ERC1: variants seen among roughly 807,000 people sequenced by gnomAD.
ERC1 encodes the protein RAB6 interacting protein 2.
ERC1 carries 56 observed loss-of-function variants against 132.0 expected under a neutral mutation model. The ratio of observed to expected loss-of-function variants is 0.42; its 90% CI spans 0.34 to 0.53. The LOEUF is 0.53. Ranked by LOEUF, ERC1 falls within the 20% of genes least tolerant of loss-of-function variation. ERC1 has a pLI of 0.03. For synonymous variants in ERC1, 478 were observed against 476.1 expected, an observed-to-expected ratio of 1.00 and a Z score of -0.05; for missense variants, 1,202 against 1,349.9, an observed-to-expected ratio of 0.89 and a Z score of 1.72.
chr12:1,156,599 G>T (rs553117039), intron 8 of ERC1, among the ~76,000 whole-genome samples: 1 of 152,250 alleles, frequency 6.6e-6, no homozygotes, highest in South Asian at 2.1e-4. Context: ...AGTTGATATT[G>T]TATGCGTGTA....
intron 17 of ERC1, among the ~76,000 whole-genome samples, chr12:1,437,571 C>A (rs1365235228): frequency 2.0e-5 from 3 of 152,148 alleles, no homozygotes; most frequent in African/African-American, 7.2e-5. Context: ...GTTTGAGTAG[C>A]ATTTTTTATA....
chr12:1,239,506 T>G (rs1476626655), intron 13 of ERC1, among the ~76,000 whole-genome samples: 2 of 152,106 alleles, frequency 1.3e-5, no homozygotes, highest in East Asian at 3.8e-4. Context: ...AAGGATCACT[T>G]GAGACCAGAG....
chr12:1,448,514 G>A (rs1051061114), intron 18 of ERC1, among the ~76,000 whole-genome samples: 8 of 152,202 alleles, frequency 5.3e-5, no homozygotes, highest in African/African-American at 1.7e-4. Context: ...CAGCTTTAAC[G>A]GCCAAGAAAC....
At chr12:1,069,972 A>G (rs1940026360) in intron 2 of ERC1, among the ~76,000 whole-genome samples, 1 of 152,222 alleles carries the variant, frequency 6.6e-6, no homozygotes, top group Middle Eastern at 3.2e-3. Context: ...GAAGCATATT[A>G]TGTTAAGTAA....
At chr12:1,396,837 C>G (rs181292641) in intron 16 of ERC1, among the ~76,000 whole-genome samples, 2 of 152,262 alleles carry the variant, frequency 1.3e-5, no homozygotes, top group Admixed American at 1.3e-4. Flanking sequence ...GGAACCGAAC[C>G]TCTGCTGAAG....
At chr12:1,430,174 C>T (rs2092752044) in intron 17 of ERC1, 1 of 152,088 alleles carries the variant, frequency 6.6e-6, no homozygotes. Flanking sequence ...ACATGGAGTC[C>T]AGCTTCACCC....
chr12:1,387,287 T>C (rs1301668584), intron 16 of ERC1, among the ~76,000 whole-genome samples: 2 of 152,128 alleles, frequency 1.3e-5, no homozygotes, highest in East Asian at 1.9e-4. Flanking sequence ...TGGGTTAAGA[T>C]TTTTGGGGAT....
At chr12:1,216,124 G>A (rs994589712) in intron 12 of ERC1, among the ~76,000 whole-genome samples, 5 of 151,690 alleles carry the variant, frequency 3.3e-5, no homozygotes, top group Admixed American at 1.3e-4. Context: ...CCTTCTTTCC[G>A]TTCTTTTCCT....
At chr12:1,115,776 C>G (rs1946380108) in intron 6 of ERC1, 90 bp from the exon 7 acceptor site, 1 of 1,129,466 alleles carries the variant, frequency 8.9e-7, no homozygotes, top group Admixed American at 2.5e-5. Context: ...CATTTAGTTT[C>G]ATATTTTGTG....
At chr12:1,484,287 G>C (rs965175513) in intron 18 of ERC1, among the ~76,000 whole-genome samples, 1 of 150,888 alleles carries the variant, frequency 6.6e-6, no homozygotes, top group Non-Finnish European at 1.5e-5. Context: ...CCTGGTGACA[G>C]AGCGAGACTC....
intron 2 of ERC1, among the ~76,000 whole-genome samples, chr12:1,052,749 C>G (rs949650559): frequency 1.3e-5 from 2 of 152,124 alleles, no homozygotes; most frequent in African/African-American, 4.8e-5. Context: ...GAGGGCGGAT[C>G]ACCTGAGGTC....
intron 12 of ERC1, among the ~76,000 whole-genome samples, chr12:1,223,261 A>G (rs2074310611): frequency 1.3e-5 from 2 of 152,224 alleles, no homozygotes; most frequent in Admixed American, 1.3e-4. Context: ...AGGAGCATCC[A>G]TAATAGTTGT....
At chr12:1,271,949 A>G (rs1324913712) in intron 14 of ERC1, among the ~76,000 whole-genome samples, 1 of 152,224 alleles carries the variant, frequency 6.6e-6, no homozygotes, top group East Asian at 1.9e-4. Context: ...TGAGAGAGGC[A>G]GAAGTGATAG....
intron 12 of ERC1, among the ~76,000 whole-genome samples, chr12:1,220,855 T>C (rs998784512): frequency 6.6e-6 from 1 of 152,228 alleles, no homozygotes; most frequent in Non-Finnish European, 1.5e-5. Context: ...GCCTGCTGCA[T>C]CTGTCTGCTT....
chr12:1,305,082 T>C (rs2080779115), intron 15 of ERC1, among the ~76,000 whole-genome samples: 1 of 152,106 alleles, frequency 6.6e-6, no homozygotes, highest in East Asian at 1.9e-4. Flanking sequence ...TCCCGGCCTG[T>C]TTGTTGTAAC....
chr12:1,161,006 TTTC>T lies in ERC1; in HGVS notation c.1737+19228_1737+19230del, dbSNP rs1242910220. On this transcript the variant is annotated intron_variant, in intron 8 of 18. Transcript: ENST00000360905. ...GTATGCACTGGAATAGTCTTTGCTG[TTTC>T]TTCTTCTTTTTCCTTAATGAGTACA... Among the ~76,000 whole-genome samples the T allele has an allele frequency of 8.5e-5, 13 of 152,322 alleles. No individual in the cohort carries two copies. The East Asian group carries it at 2.5e-3, about 29-fold the overall frequency.
chr12:1,399,880 T>C (rs1222574180), intron 16 of ERC1, among the ~76,000 whole-genome samples: 1 of 152,216 alleles, frequency 6.6e-6, no homozygotes, highest in Admixed American at 6.5e-5. Context: ...GGAAACACGT[T>C]TTCAGTTATC....
intron 2 of ERC1, among the ~76,000 whole-genome samples, chr12:1,076,950 T>TG (rs1372489819): frequency 6.6e-6 from 1 of 152,220 alleles, no homozygotes; most frequent in Non-Finnish European, 1.5e-5. Context: ...CATACAGCCC[T>TG]GGGCAGCACA....
chr12:1,068,505 A>AG (rs1049147030), intron 2 of ERC1, among the ~76,000 whole-genome samples: 4 of 152,168 alleles, frequency 2.6e-5, no homozygotes, highest in African/African-American at 9.7e-5. Context: ...GTAGTCACTC[A>AG]GGGATACCTG....
Sources: allele counts gnomAD v4.1 joint callset (sites outside exome capture counted in the v4.1 genomes callset), GRCh38; gene constraint gnomAD v4.1.1; transcripts MANE v1.5; gene names NCBI Gene and HGNC (gene_info 2026-07-23, HGNC 2026-07-21).